Variants in KANSL3 observed in about 807,000 individuals in gnomAD.
The protein encoded by KANSL3 is NSL complex protein NSL3.
Under a neutral mutation model 89.2 loss-of-function variants are expected in KANSL3, and 16 were observed. The observed-to-expected ratio is 0.18, with a 90% CI of 0.12 to 0.27. The LOEUF (loss-of-function observed/expected upper bound fraction) is 0.27, where lower values mean the gene tolerates loss of function less well. Among genes scored for constraint, KANSL3 ranks in the 10% least tolerant of loss-of-function variants. KANSL3 has a pLI of 1.00. For synonymous variants in KANSL3, 385 were observed against 419.7 expected (o/e 0.92, Z 1.01); for missense variants, 879 against 1,110.6 (o/e 0.79, Z 2.96).
At chr2:96,611,205 C>T (rs2068873835) in intron 9 of KANSL3, 67 bp from the exon 10 acceptor site, 1 of 1,375,744 alleles carries the variant, frequency 7.3e-7, no homozygotes, top group Non-Finnish European at 1.0e-6. Context: ...TACCCAGAAT[C>T]CAGGAGTGGT....
rs555343217 is a variant in KANSL3, at chr2:96,637,745, T to C, written c.-51+538A>G. 8.5e-5 allele frequency among the ~76,000 whole-genome samples: 13 copies of C among 152,312 alleles called. No homozygotes were observed. The South Asian group carries it at 2.7e-3, about 32-fold the overall frequency. ...CGAAACAAAAGTTCTGTTAAGTACTTCGTAATATTCCAGAGTTGTTTACAT... is the reference window on the plus strand; with the variant it reads ...CGAAACAAAAGTTCTGTTAAGTACTCCGTAATATTCCAGAGTTGTTTACAT... On this transcript the variant is annotated intron_variant, in intron 1 of 20. Coordinates refer to ENST00000431828, the MANE Select transcript of KANSL3 (RefSeq NM_001115016.3).
At chr2:96,608,729 G>A in intron 13 of KANSL3, 65 bp from the exon 14 acceptor site, 1 of 1,598,768 alleles carries the variant, frequency 6.3e-7, no homozygotes, top group Admixed American at 1.7e-5. Flanking sequence ...GAGTCAGCAT[G>A]TCCCTCTGGA....
At chr2:96,613,389 T>G in intron 6 of KANSL3, 99 bp downstream of exon 6, 1 of 924,296 alleles carries the variant, frequency 1.1e-6, no homozygotes, top group Non-Finnish European at 1.6e-6. Flanking sequence ...ATAATAATAA[T>G]AAATAGTTAA....
chr2:96,615,917 A>C (rs1193886063), intron 5 of KANSL3, among the ~76,000 whole-genome samples: 2 of 152,236 alleles, frequency 1.3e-5, no homozygotes, highest in African/African-American at 4.8e-5. Flanking sequence ...AAGAAACAGA[A>C]GCCCAAACTG....
intron 5 of KANSL3, among the ~76,000 whole-genome samples, chr2:96,616,824 G>A (rs1029873784): frequency 6.6e-5 from 10 of 152,138 alleles, no homozygotes; most frequent in Non-Finnish European, 1.0e-4. Flanking sequence ...GCATGCTATG[G>A]AGTCCCCCCA....
intron 9 of KANSL3, 50 bp from the exon 10 acceptor site, chr2:96,611,188 C>T: frequency 6.6e-7 from 1 of 1,505,568 alleles, no homozygotes; most frequent in Non-Finnish European, 9.2e-7. Flanking sequence ...TTCATGGCAC[C>T]TCAGCCTACC....
In KANSL3 at chr2:96,602,195, G is replaced by A; in HGVS notation, c.2403C>T (p.His801=). 3.1e-6 allele frequency: 5 copies of A among 1,606,854 alleles called. No homozygotes were observed. Among genetic ancestry groups the A allele is most frequent in the Non-Finnish European group, 4.2e-6 (5 of 1,176,860 alleles). Residue 801 remains histidine (H), a synonymous_variant, in exon 19 of 21, where the codon CAC becomes CAT. Transcript: ENST00000431828. ...ATPGGKPTAI[H]QLLTNGGLAK... is the part of the protein sequence containing the mutation. The stretch of plus-strand genomic sequence containing the variant: ...CGAGGCCCCCATTGGTCAGCAGCTG[G>A]TGGATGGCTGTGGGCTTCCCACCAG...
Position 96,595,507 on chromosome 2 carries a change from G to A in KANSL3, c.*104C>T, listed in dbSNP as rs1344666717. The A allele has an allele frequency of 1.6e-6, 2 of 1,258,832 alleles. No homozygotes were observed. Among genetic ancestry groups the A allele is most frequent in the East Asian group, 4.8e-5 (2 of 41,496 alleles). The allele number at this position is 1,258,832 out of a possible 1,614,324, so 78.0% of individuals were successfully genotyped here. A position where few individuals can be genotyped will look rare whatever the true frequency, so the allele number is the denominator to read the frequency against. On this transcript the variant is annotated 3_prime_UTR_variant, in exon 21 of 21. Transcript: ENST00000431828. Reference sequence around the variant, plus strand: ...AGGCAAAAATGACTGTCTTAAACAGGTCTTCCGACACGTGGACAGCTCAGC... The same window carrying A: ...AGGCAAAAATGACTGTCTTAAACAGATCTTCCGACACGTGGACAGCTCAGC...
rs202180895 is a variant in KANSL3 at position 96,612,842 on chromosome 2, T to C, written c.888A>G (p.Gln296=). ...CCTTGCCCAAGCAGGACAGCTGAGA[T>C]TGCCAGAAGCGGTGGCGGCGTGAAG... is the stretch of plus-strand genomic sequence containing the variant. ...FPTSRRHRFW[Q]SQLSCLGKVI... is the part of the protein sequence containing the mutation. The change falls in exon 7 of 21, where the codon CAA becomes CAG. Residue 296 remains glutamine (Q), a synonymous_variant. Transcript: ENST00000431828. 9 of 1,567,258 alleles carry C rather than the reference T, an allele frequency of 5.7e-6. No homozygotes were observed. The highest frequency in any genetic ancestry group is 3.8e-5 in the Admixed American group (2 of 52,330).
At chr2:96,637,542 A>T (rs2074419174) in intron 1 of KANSL3, among the ~76,000 whole-genome samples, 1 of 152,152 alleles carries the variant, frequency 6.6e-6, no homozygotes, top group Admixed American at 6.5e-5. Context: ...AGGAAATCAC[A>T]AATATGAATT....
chr2:96,599,278 A>G (rs1018730990), intron 20 of KANSL3, among the ~76,000 whole-genome samples: 13 of 152,204 alleles, frequency 8.5e-5, no homozygotes, highest in African/African-American at 2.4e-4. Context: ...AAAGCATTAT[A>G]AGAAAACACA....
the KANSL3 span, among the ~76,000 whole-genome samples, chr2:96,585,779 G>A: frequency 6.6e-6 from 1 of 152,126 alleles, no homozygotes; most frequent in African/African-American, 2.4e-5. Flanking sequence ...ATACTATTCA[G>A]CCATAAAAAG....
At chr2:96,589,920 G>T (rs1008807484), downstream of KANSL3, among the ~76,000 whole-genome samples, 1 of 151,754 alleles carries the variant, frequency 6.6e-6, no homozygotes, top group Non-Finnish European at 1.5e-5. Flanking sequence ...AGGCTGAGGC[G>T]GGTGGATTAC....
chr2:96,593,600 A>G lies in KANSL3; in HGVS notation c.*2011T>C, dbSNP rs1053686662. The G allele has an allele frequency of 6.5e-6, 2 of 306,716 alleles. No individual in the cohort carries two copies. The highest frequency in any genetic ancestry group is 1.3e-5 in the Non-Finnish European group (2 of 153,860). 19.0% of individuals were successfully genotyped at this position (306,716 alleles called of 1,614,324 possible). On this transcript the variant is annotated 3_prime_UTR_variant, in exon 21 of 21. Coordinates refer to ENST00000431828, the MANE Select transcript of KANSL3 (RefSeq NM_001115016.3). The stretch of plus-strand genomic sequence containing the variant: ...CCTTCTTCAGTTGTGGAGTTCTTCA[A>G]GGTGGACAGATCACACCTCAGGAAG...
At chr2:96,630,777 T>A (rs938497019) in intron 3 of KANSL3, among the ~76,000 whole-genome samples, 1 of 152,256 alleles carries the variant, frequency 6.6e-6, no homozygotes, top group South Asian at 2.1e-4. Flanking sequence ...CTGGGGGCAG[T>A]AGAAAGCTTG....
chr2:96,604,282 A>G lies in KANSL3; in HGVS notation c.2117T>C (p.Leu706Pro). Residue 706 changes from leucine to proline, a missense_variant, in exon 17 of 21, where the codon CTG becomes CCG. By Grantham distance (98) the Leu-to-Pro change is moderately conservative (BLOSUM62 -3). Around this residue, in one of 6 missense-constraint regions of KANSL3, gnomAD observed 317 missense variants for 311.2 expected, o/e 1.02. Coordinates refer to ENST00000431828, the MANE Select transcript of KANSL3 (RefSeq NM_001115016.3). Reference protein sequence around the residue: ...PSALHTLQSRLVATSPGSSLP... With the variant: ...PSALHTLQSRPVATSPGSSLP... The stretch of plus-strand genomic sequence containing the variant: ...GGAGCTGCCAGGAGATGTGGCCACC[A>G]GGCGGCTCTGCAGTGTGTGCAAGGC... The G allele has an allele frequency of 6.2e-7, 1 of 1,611,128 alleles. No homozygotes were observed. Among genetic ancestry groups the G allele is most frequent in the Non-Finnish European group, 8.5e-7 (1 of 1,178,760 alleles).
intron 17 of KANSL3, 125 bp downstream of exon 17, chr2:96,604,125 G>T: frequency 9.4e-7 from 1 of 1,065,494 alleles, no homozygotes; most frequent in Non-Finnish European, 1.3e-6. Flanking sequence ...AAGCCTCTAT[G>T]ATCACTCTAA....
At chr2:96,622,365 T>C (rs1573546409) in intron 3 of KANSL3, among the ~76,000 whole-genome samples, 1 of 150,066 alleles carries the variant, frequency 6.7e-6, no homozygotes, top group South Asian at 2.1e-4. Flanking sequence ...AAGGCTGTAG[T>C]GAGGTATGAT....
intron 20 of KANSL3, among the ~76,000 whole-genome samples, chr2:96,599,410 G>T (rs1189865657): frequency 6.6e-6 from 1 of 152,098 alleles, no homozygotes; most frequent in East Asian, 1.9e-4. Context: ...GGCTAAAATG[G>T]TACATTGTAT....
Sources: allele counts gnomAD v4.1 joint callset (sites outside exome capture counted in the v4.1 genomes callset), GRCh38; gene constraint gnomAD v4.1.1; regional missense constraint gnomAD v4.1.1; transcripts MANE v1.5; gene names NCBI Gene and HGNC (gene_info 2026-07-23, HGNC 2026-07-21).